LRP1B: variants seen among roughly 807,000 people sequenced by gnomAD.
LRP1B encodes LDL receptor related protein 1B, also known as low-density lipoprotein receptor-related protein 1B.
LRP1B carries 217 observed loss-of-function variants against 556.6 expected under a neutral mutation model. That is an observed-to-expected ratio of 0.39 (90% confidence interval 0.35 to 0.44). LRP1B has a LOEUF of 0.44. Among genes scored for constraint, LRP1B ranks in the 20% least tolerant of loss-of-function variants. LRP1B has a pLI of 1.00. For synonymous variants in LRP1B, 2,047 were observed against 1,865.8 expected (o/e 1.10, Z -2.50); for missense variants, 5,053 against 5,620.8 (o/e 0.90, Z 3.23).
intron 1 of LRP1B, among the ~76,000 whole-genome samples, chr2:141,817,307 C>G (rs1696594082): frequency 6.6e-6 from 1 of 151,968 alleles, no homozygotes; most frequent in African/African-American, 2.4e-5. Context: ...GGAAGAAGAT[C>G]AAAGCTAGTA....
chr2:140,313,415 T>C (rs1684390264), intron 83 of LRP1B, among the ~76,000 whole-genome samples: 1 of 151,936 alleles, frequency 6.6e-6, no homozygotes. Flanking sequence ...TGTATCTATA[T>C]ACAACTCAGG....
At position 140,392,314 on chromosome 2, in the gene LRP1B, T is replaced by C. The variant is rs1364876307; in HGVS notation, c.10415-6305A>G. Among the ~76,000 whole-genome samples the C allele has an allele frequency of 2.6e-5, 4 of 152,128 alleles. No individual in the cohort carries two copies. The East Asian group carries it at 7.7e-4, about 29-fold the overall frequency. On this transcript the variant is annotated intron_variant, in intron 66 of 90. Transcript: ENST00000389484. ...AAAACAGTTCCGCTGAATTTCAACC[T>C]GGCAATCTAAACGCTGAGTTTATCT...
chr2:140,711,165 A>G (rs1014112228), intron 37 of LRP1B, among the ~76,000 whole-genome samples: 5 of 152,040 alleles, frequency 3.3e-5, no homozygotes, highest in African/African-American at 1.2e-4. Context: ...ATTAATTCAC[A>G]TATTCTCTTT....
intron 33 of LRP1B, 56 bp downstream of exon 33, chr2:140,776,041 TA>T: frequency 1.5e-6 from 2 of 1,362,678 alleles, no homozygotes; most frequent in Non-Finnish European, 2.0e-6. Flanking sequence ...GGAGCTAATA[TA>T]AAAAAGAGCA....
rs35459142 is a variant in LRP1B, at chr2:140,371,612, GTTTT to G, written c.10769-331_10769-328del. On this transcript the variant is annotated intron_variant, in intron 69 of 90. Coordinates refer to ENST00000389484, the MANE Select transcript of LRP1B (RefSeq NM_018557.3). ...CCTTTGATTTTGAAGTGTTACATGA[GTTTT>G]TTTTTTTACAATTTTAAATTAAATC... Among the ~76,000 whole-genome samples the G allele has an allele frequency of 2.6e-4, 38 of 147,820 alleles. 1 individual carries two copies. The Middle Eastern group carries it at 0.011, about 41-fold the overall frequency.
chr2:140,608,286 A>G (rs1682942751), intron 41 of LRP1B, among the ~76,000 whole-genome samples: 1 of 152,206 alleles, frequency 6.6e-6, no homozygotes, highest in African/African-American at 2.4e-5. Context: ...TAATGGAAAG[A>G]GGATGCCAGT....
intron 1 of LRP1B, among the ~76,000 whole-genome samples, chr2:142,034,608 G>A (rs995441060): frequency 5.3e-5 from 8 of 151,678 alleles, no homozygotes; most frequent in African/African-American, 1.9e-4. Context: ...TGCATTTTTA[G>A]TACTCAAGTG....
chr2:140,351,189 T>C (rs1197298681), intron 76 of LRP1B, 151 bp from the exon 77 acceptor site: 4 of 524,368 alleles, frequency 7.6e-6, no homozygotes, highest in Non-Finnish European at 1.3e-5. Context: ...TTAGTCTTTA[T>C]GGCTTATTAT....
rs907199956 is a variant in LRP1B at position 140,650,510 on chromosome 2, A to C, written c.6800-48871T>G. Among the ~76,000 whole-genome samples the C allele has an allele frequency of 3.3e-5, 5 of 151,960 alleles. No individual in the cohort carries two copies. The South Asian group carries it at 1.0e-3, about 31-fold the overall frequency. ...ATTACAGGTGCCTGCCACCATGGCC[A>C]GCTAATTTTTATATTTTTAGAAGAG... On this transcript the variant is annotated intron_variant, in intron 41 of 90. Coordinates refer to ENST00000389484, the MANE Select transcript of LRP1B (RefSeq NM_018557.3).
At chr2:141,688,725 A>G (rs909238578) in intron 2 of LRP1B, among the ~76,000 whole-genome samples, 1 of 151,860 alleles carries the variant, frequency 6.6e-6, no homozygotes, top group Non-Finnish European at 1.5e-5. Context: ...CCACTTTAAG[A>G]TATCTGCCTT....
At chr2:140,486,869 A>C (rs1338556805) in intron 58 of LRP1B, among the ~76,000 whole-genome samples, 1 of 151,886 alleles carries the variant, frequency 6.6e-6, no homozygotes, top group Non-Finnish European at 1.5e-5. Context: ...GTACATGCAC[A>C]CTTTAAGATC....
At chr2:140,757,920 T>C (rs1210215122) in intron 35 of LRP1B, among the ~76,000 whole-genome samples, 1 of 152,150 alleles carries the variant, frequency 6.6e-6, no homozygotes, top group Non-Finnish European at 1.5e-5. Flanking sequence ...AGTGGTTGAC[T>C]TGAGGCTGGG....
rs148764423 is a variant in LRP1B at position 140,649,010 on chromosome 2, G to A, written c.6800-47371C>T. On this transcript the variant is annotated intron_variant, in intron 41 of 90. Coordinates refer to ENST00000389484, the MANE Select transcript of LRP1B (RefSeq NM_018557.3). Reference sequence around the variant, plus strand: ...CAAACTAACCCAAAATATATTTTGGGGGTAGAACTGATCAGGTTATATCTC... The same window carrying A: ...CAAACTAACCCAAAATATATTTTGGAGGTAGAACTGATCAGGTTATATCTC... 2.8e-3 allele frequency among the ~76,000 whole-genome samples: 430 copies of A among 152,098 alleles called. 2 individuals are homozygous for A. The highest frequency in any genetic ancestry group is 0.01 in the African/African-American group (419 of 41,480).
At chr2:140,407,205 G>C (rs1367808342) in intron 66 of LRP1B, among the ~76,000 whole-genome samples, 2 of 151,982 alleles carry the variant, frequency 1.3e-5, no homozygotes, top group Non-Finnish European at 2.9e-5. Context: ...AGGGATCAAA[G>C]ACCTAAATCT....
chr2:141,219,477 G>C (rs112026618), intron 6 of LRP1B, among the ~76,000 whole-genome samples: 3,039 of 152,304 alleles, frequency 0.02, 41 homozygotes, highest in Middle Eastern at 0.034. Flanking sequence ...GGGGGAAGGT[G>C]TGACCGTGAT....
chr2:142,047,303 T>C (rs1032393605), intron 1 of LRP1B, among the ~76,000 whole-genome samples: 60 of 151,982 alleles, frequency 3.9e-4, no homozygotes, highest in African/African-American at 1.2e-3. Flanking sequence ...TGTCTTTGCT[T>C]GTTCCCATGT....
At chr2:141,631,264 C>T (rs1481277214) in intron 2 of LRP1B, among the ~76,000 whole-genome samples, 2 of 152,074 alleles carry the variant, frequency 1.3e-5, no homozygotes, top group Admixed American at 6.6e-5. Context: ...TGCCCCTATG[C>T]TTCAATTACC....
intron 32 of LRP1B, among the ~76,000 whole-genome samples, chr2:140,789,800 T>G (rs1157564183): frequency 6.6e-6 from 1 of 150,772 alleles, no homozygotes; most frequent in Non-Finnish European, 1.5e-5. Flanking sequence ...CCGGCTAATT[T>G]TTTGTATTTT....
intron 18 of LRP1B, among the ~76,000 whole-genome samples, chr2:140,981,145 T>C (rs1696757701): frequency 6.6e-6 from 1 of 152,048 alleles, no homozygotes; most frequent in African/African-American, 2.4e-5. Flanking sequence ...TTGAGTACAG[T>C]GTACTCTGCT....
Sources: allele counts gnomAD v4.1 joint callset (sites outside exome capture counted in the v4.1 genomes callset), GRCh38; gene constraint gnomAD v4.1.1; transcripts MANE v1.5; gene names NCBI Gene and HGNC (gene_info 2026-07-23, HGNC 2026-07-21).